Variants in CSMD2 observed in about 807,000 individuals in gnomAD.
The protein encoded by CSMD2 is CUB and sushi domain-containing protein 2.
A neutral mutation model predicts 398.5 loss-of-function variants in CSMD2; 130 were observed. The ratio of observed to expected loss-of-function variants is 0.33; its 90% CI spans 0.28 to 0.38. The LOEUF (loss-of-function observed/expected upper bound fraction) is 0.38, where lower values mean the gene tolerates loss of function less well. CSMD2 is among the 10% of genes least tolerant of loss of function. The pLI, the probability that CSMD2 is intolerant of heterozygous loss-of-function variation, is 1.00. For synonymous variants in CSMD2, 1,828 were observed against 1,908.5 expected (o/e 0.96, Z 1.10); for missense variants, 3,829 against 4,764.9 (o/e 0.80, Z 5.78).
At chr1:33,854,871 G>A (rs951675768) in intron 5 of CSMD2, among the ~76,000 whole-genome samples, 12 of 152,168 alleles carry the variant, frequency 7.9e-5, no homozygotes, top group African/African-American at 2.9e-4. Flanking sequence ...CCGGGATGAG[G>A]GCTTCCTCAC....
chr1:33,652,409 A>G lies in CSMD2; in HGVS notation c.4500T>C (p.Asn1500=), dbSNP rs1456484077. ...TGPSGVILSP[N]YPEPYPPGKE... is the part of the protein sequence containing the mutation. ...TGCCTGGCGGGTAGGGTTCTGGGTA[A>G]TTTGGTGAGAGGATGACTCCAGATG... Residue 1500 remains asparagine (N), a synonymous_variant, in exon 28 of 71, where the codon AAT becomes AAC. Coordinates refer to ENST00000373381, the MANE Select transcript of CSMD2 (RefSeq NM_001281956.2). 6.2e-7 allele frequency: 1 copy of G among 1,614,088 alleles called. No individual in the cohort carries two copies. Among genetic ancestry groups the G allele is most frequent in the South Asian group, 1.1e-5 (1 of 91,072 alleles).
At chr1:33,604,469 T>C (rs961489233) in intron 42 of CSMD2, among the ~76,000 whole-genome samples, 17 of 152,100 alleles carry the variant, frequency 1.1e-4, no homozygotes, top group African/African-American at 3.4e-4. Context: ...GAAATAAAGA[T>C]GAGAAGTCCC....
At chr1:34,097,634 T>A (rs1659484851) in intron 1 of CSMD2, among the ~76,000 whole-genome samples, 1 of 103,420 alleles carries the variant, frequency 9.7e-6, no homozygotes, top group Non-Finnish European at 1.9e-5. Context: ...AAAGAAGACA[T>A]TTATGCAGCC....
intron 44 of CSMD2, chr1:33,591,771 T>G (rs552167806): frequency 6.6e-6 from 1 of 152,618 alleles, no homozygotes; most frequent in Non-Finnish European, 1.5e-5. Flanking sequence ...ACTACAGGCA[T>G]GCACCACCAC....
chr1:33,655,185 T>C (rs1643911077), intron 27 of CSMD2, among the ~76,000 whole-genome samples: 2 of 152,188 alleles, frequency 1.3e-5, no homozygotes, highest in Non-Finnish European at 2.9e-5. Context: ...CAGGTTGGAC[T>C]GAGGGTGAGA....
intron 47 of CSMD2, among the ~76,000 whole-genome samples, chr1:33,583,246 T>C (rs547612002): frequency 2.2e-4 from 33 of 152,352 alleles, no homozygotes; most frequent in Non-Finnish European, 3.5e-4. Context: ...AGACATGCCC[T>C]CCAAATTAAA....
chr1:34,068,886 T>C lies in CSMD2; in HGVS notation c.404+20091A>G, dbSNP rs567867733. On this transcript the variant is annotated intron_variant, in intron 2 of 70. Coordinates refer to ENST00000373381, the MANE Select transcript of CSMD2 (RefSeq NM_001281956.2). ...TTTGCCTGCTGCCATCCATGTAAGATGTGACTTGCTCCTCCTTGCCGTCTG... is the reference window on the plus strand; with the variant it reads ...TTTGCCTGCTGCCATCCATGTAAGACGTGACTTGCTCCTCCTTGCCGTCTG... Among the ~76,000 whole-genome samples the C allele has an allele frequency of 5.7e-4, 87 of 152,322 alleles. 1 individual carries two copies. Among genetic ancestry groups the C allele is most frequent in the Admixed American group, 1.1e-3 (17 of 15,310 alleles).
chr1:33,660,857 G>A (rs987412160), intron 26 of CSMD2, among the ~76,000 whole-genome samples: 1 of 152,218 alleles, frequency 6.6e-6, no homozygotes, highest in Non-Finnish European at 1.5e-5. Flanking sequence ...GGCATGGCAT[G>A]ACCCTGTCTT....
intron 2 of CSMD2, among the ~76,000 whole-genome samples, chr1:34,039,032 C>G (rs1054590627): frequency 6.6e-6 from 1 of 152,162 alleles, no homozygotes; most frequent in Non-Finnish European, 1.5e-5. Flanking sequence ...TCTCATCATT[C>G]AAATCTTATC....
At chr1:33,743,146 G>A (rs978929490) in intron 14 of CSMD2, 134 bp downstream of exon 14, 4 of 694,682 alleles carry the variant, frequency 5.8e-6, no homozygotes, top group Non-Finnish European at 4.8e-6. Flanking sequence ...CTCCATGACT[G>A]GGCACTGCAG....
intron 1 of CSMD2, among the ~76,000 whole-genome samples, chr1:34,114,834 T>C (rs1048713751): frequency 6.6e-6 from 1 of 152,136 alleles, no homozygotes; most frequent in African/African-American, 2.4e-5. Flanking sequence ...AGGACACAAA[T>C]AGACAAACTA....
At chr1:33,612,279 G>A (rs1247141619) in intron 40 of CSMD2, among the ~76,000 whole-genome samples, 1 of 152,138 alleles carries the variant, frequency 6.6e-6, no homozygotes, top group Admixed American at 6.5e-5. Context: ...GAATAAGCAC[G>A]AGTATAATTC....
intron 25 of CSMD2, among the ~76,000 whole-genome samples, chr1:33,689,493 T>C (rs556663162): frequency 1.3e-5 from 2 of 152,320 alleles, no homozygotes; most frequent in East Asian, 1.9e-4. Flanking sequence ...GTTTTGATCT[T>C]GTCTTCCTGA....
chr1:33,739,372 C>T (rs1557819378), intron 14 of CSMD2, 38 bp from the exon 15 acceptor site: 3 of 1,557,518 alleles, frequency 1.9e-6, no homozygotes, highest in East Asian at 2.3e-5. Flanking sequence ...TCAGACATTG[C>T]TGGAGTAGAG....
intron 2 of CSMD2, among the ~76,000 whole-genome samples, chr1:34,072,049 C>T (rs1025810554): frequency 1.3e-5 from 2 of 152,180 alleles, no homozygotes; most frequent in South Asian, 2.1e-4. Flanking sequence ...TGGGACAGAA[C>T]CCAGCTCTCC....
At chr1:33,790,985 T>C (rs959696199) in intron 11 of CSMD2, among the ~76,000 whole-genome samples, 2 of 152,210 alleles carry the variant, frequency 1.3e-5, no homozygotes, top group African/African-American at 4.8e-5. Context: ...GTCCCAGCCA[T>C]GTCACCTGAT....
intron 1 of CSMD2, among the ~76,000 whole-genome samples, chr1:34,116,294 T>G (rs1333191284): frequency 2.0e-5 from 3 of 151,904 alleles, no homozygotes; most frequent in African/African-American, 7.2e-5. Context: ...AGTGATAGAA[T>G]AGAAAAAGAT....
At chr1:33,535,155 C>A (rs966132550) in intron 62 of CSMD2, among the ~76,000 whole-genome samples, 4 of 152,136 alleles carry the variant, frequency 2.6e-5, no homozygotes, top group African/African-American at 9.7e-5. Context: ...CCGACATACA[C>A]AAAATAATAT....
At chr1:33,525,893 A>G (rs1221300066) in intron 65 of CSMD2, among the ~76,000 whole-genome samples, 1 of 152,184 alleles carries the variant, frequency 6.6e-6, no homozygotes, top group African/African-American at 2.4e-5. Context: ...CATGTTGGTC[A>G]GGCTGGTCTC....
Sources: gnomAD v4.1 joint callset for allele counts (sites outside exome capture counted in the v4.1 genomes callset) on GRCh38, gnomAD v4.1.1 for gene constraint, MANE v1.5 for transcripts, NCBI Gene and HGNC (gene_info 2026-07-23, HGNC 2026-07-21) for gene names.